Variants in RAB10 observed in about 807,000 individuals in gnomAD.
The protein encoded by RAB10 is ras-related protein Rab-10.
In RAB10, 5 loss-of-function variants were observed where a neutral mutation model predicts 25.7. That is an observed-to-expected ratio of 0.19 (90% CI 0.10 to 0.41). The LOEUF is 0.41. Ranked by LOEUF, RAB10 falls within the 10% of genes least tolerant of loss-of-function variation. RAB10 has a pLI of 1.00. For synonymous variants in RAB10, 89 were observed against 86.4 expected, an observed-to-expected ratio of 1.03 and a Z score of -0.16; for missense variants, 103 against 245.8, an observed-to-expected ratio of 0.42 and a Z score of 3.89.
chr2:26,050,756 T>C (rs1666113516), intron 1 of RAB10, among the ~76,000 whole-genome samples: 1 of 151,808 alleles, frequency 6.6e-6, no homozygotes, highest in African/African-American at 2.4e-5. Flanking sequence ...CCTGAGTGGT[T>C]GGGACCACAG....
intron 2 of RAB10, among the ~76,000 whole-genome samples, chr2:26,104,230 C>A (rs1411638025): frequency 1.3e-5 from 2 of 152,168 alleles, no homozygotes; most frequent in East Asian, 1.9e-4. Context: ...TTCTCTACAT[C>A]CTCACTAACG....
chr2:26,118,705 T>A (rs1667742165), intron 3 of RAB10, among the ~76,000 whole-genome samples: 1 of 152,170 alleles, frequency 6.6e-6, no homozygotes, highest in South Asian at 2.1e-4. Flanking sequence ...ACAAGAAGAA[T>A]GCTAACCCAG....
At chr2:26,062,086 T>G (rs577182938) in intron 1 of RAB10, among the ~76,000 whole-genome samples, 12 of 152,298 alleles carry the variant, frequency 7.9e-5, no homozygotes, top group African/African-American at 2.9e-4. Flanking sequence ...TTTTTTTGTG[T>G]GTGGTAAGTT....
intron 1 of RAB10, among the ~76,000 whole-genome samples, chr2:26,050,286 G>A (rs923130393): frequency 1.3e-5 from 2 of 152,126 alleles, no homozygotes; most frequent in Non-Finnish European, 2.9e-5. Flanking sequence ...TTTCCCTTAG[G>A]ACTTTGAAAA....
rs78069334 is a variant in RAB10 at position 26,042,984 on chromosome 2, A to G, written c.127+8249A>G. ...AAGCAAGTGATGAGGTTGTAGAGAAATTGGAACCTTGGTGCATTGCTGGTG... is the reference window on the plus strand; with the variant it reads ...AAGCAAGTGATGAGGTTGTAGAGAAGTTGGAACCTTGGTGCATTGCTGGTG... On this transcript the variant is annotated intron_variant, in intron 1 of 5. Coordinates refer to ENST00000264710, the MANE Select transcript of RAB10 (RefSeq NM_016131.5). Among the ~76,000 whole-genome samples the G allele has an allele frequency of 2.0e-4, 31 of 152,294 alleles. 1 individual carries two copies. In the East Asian group the frequency reaches 5.2e-3, roughly 26 times the overall value.
At chr2:26,058,061 A>G (rs1052959048) in intron 1 of RAB10, among the ~76,000 whole-genome samples, 6 of 152,216 alleles carry the variant, frequency 3.9e-5, no homozygotes, top group African/African-American at 1.4e-4. Flanking sequence ...ATACTCAGAT[A>G]TTTGTTAAGA....
In RAB10 at chr2:26,034,675, A is replaced by T. The variant is rs1665725137; in HGVS notation, c.67A>T (p.Thr23Ser). The change falls in exon 1 of 6, where the codon ACC becomes TCC. Residue 23 changes from threonine to serine, a missense_variant. Physicochemically the swap from Thr to Ser is moderately conservative, Grantham distance 58. Transcript: ENST00000264710. ...GATCGGGGATTCCGGAGTGGGGAAG[A>T]CCTGCGTCCTTTTTCGTTTTTCGGA... is the stretch of plus-strand genomic sequence containing the variant. ...LLIGDSGVGK[T>S]CVLFRFSDDA... 6.2e-7 allele frequency: 1 copy of T among 1,614,048 alleles called. No individual in the cohort carries two copies.
intron 5 of RAB10, among the ~76,000 whole-genome samples, chr2:26,132,076 A>G (rs1449692281): frequency 6.6e-6 from 1 of 152,236 alleles, no homozygotes; most frequent in African/African-American, 2.4e-5. Context: ...AAATACAGCC[A>G]AAGTCTGTCC....
rs548520896 is a variant in RAB10 at position 26,083,143 on chromosome 2, T to G, written c.128-15519T>G. Reference sequence around the variant, plus strand: ...GCATTTAGTCTAGAGCTTCCTAAGGTCAAATAAAGAACAACAGTATATTAG... The same window carrying G: ...GCATTTAGTCTAGAGCTTCCTAAGGGCAAATAAAGAACAACAGTATATTAG... On this transcript the variant is annotated intron_variant, in intron 1 of 5. Transcript: ENST00000264710. 1.2e-4 allele frequency among the ~76,000 whole-genome samples: 19 copies of G among 152,124 alleles called. No homozygotes were observed. The South Asian group carries it at 3.7e-3, about 30-fold the overall frequency.
intron 1 of RAB10, among the ~76,000 whole-genome samples, chr2:26,090,928 T>G (rs1194322273): frequency 9.8e-6 from 1 of 102,040 alleles, no homozygotes; most frequent in African/African-American, 3.8e-5. Flanking sequence ...AGCGAGACCC[T>G]GTCTCCCCCC....
At chr2:26,062,664 C>T (rs911589853) in intron 1 of RAB10, among the ~76,000 whole-genome samples, 3 of 146,490 alleles carry the variant, frequency 2.0e-5, no homozygotes, top group African/African-American at 5.0e-5. Context: ...GGCAATAGAG[C>T]GAGACTCTGT....
intron 1 of RAB10, among the ~76,000 whole-genome samples, chr2:26,084,191 C>G (rs1229995724): frequency 4.6e-5 from 7 of 152,210 alleles, no homozygotes; most frequent in Non-Finnish European, 8.8e-5. Flanking sequence ...TCAAATATCT[C>G]TCAGTGCGTC....
intron 1 of RAB10, among the ~76,000 whole-genome samples, chr2:26,041,620 T>C (rs969917050): frequency 4.1e-5 from 6 of 147,848 alleles, no homozygotes; most frequent in Non-Finnish European, 8.9e-5. Flanking sequence ...AATTGAAAGG[T>C]TGGGGCTGGG....
chr2:26,111,328 G>A (rs1370309672), intron 3 of RAB10, among the ~76,000 whole-genome samples: 1 of 152,060 alleles, frequency 6.6e-6, no homozygotes, highest in African/African-American at 2.4e-5. Flanking sequence ...ATCTTGGCTG[G>A]GCGCGGTGGC....
intron 5 of RAB10, among the ~76,000 whole-genome samples, chr2:26,133,139 G>A (rs964083313): frequency 3.9e-5 from 6 of 151,954 alleles, no homozygotes; most frequent in African/African-American, 1.5e-4. Flanking sequence ...GAGTTAACTA[G>A]GCTTGTCTTA....
chr2:26,120,940 C>G (rs1667792325), intron 3 of RAB10, among the ~76,000 whole-genome samples: 1 of 151,442 alleles, frequency 6.6e-6, no homozygotes, highest in African/African-American at 2.4e-5. Flanking sequence ...GAGACAAAGT[C>G]TTGCTCTGTC....
intron 1 of RAB10, among the ~76,000 whole-genome samples, chr2:26,069,996 C>T (rs928373643): frequency 1.2e-4 from 19 of 152,182 alleles, no homozygotes; most frequent in African/African-American, 4.6e-4. Flanking sequence ...CGTGAGCCAT[C>T]GCACCTGGCC....
At chr2:26,061,392 C>A (rs1574533013) in intron 1 of RAB10, among the ~76,000 whole-genome samples, 2 of 151,972 alleles carry the variant, frequency 1.3e-5, no homozygotes, top group Admixed American at 1.3e-4. Flanking sequence ...GCTGGGATTA[C>A]ATGTGTGAGC....
intron 1 of RAB10, among the ~76,000 whole-genome samples, chr2:26,077,049 A>T (rs1193441618): frequency 6.6e-6 from 1 of 152,136 alleles, no homozygotes; most frequent in African/African-American, 2.4e-5. Flanking sequence ...TTAATTACAC[A>T]TGCCAAATTT....
Sources: allele counts gnomAD v4.1 joint callset (sites outside exome capture counted in the v4.1 genomes callset), GRCh38; gene constraint gnomAD v4.1.1; transcripts MANE v1.5; gene names NCBI Gene and HGNC (gene_info 2026-07-23, HGNC 2026-07-21).